Variants in PRPF40B observed in about 807,000 individuals in gnomAD.
PRPF40B encodes the protein pre-mRNA-processing factor 40 homolog B.
In PRPF40B, 56 loss-of-function variants were observed where a neutral mutation model predicts 124.5. The ratio of observed to expected loss-of-function variants is 0.45; its 90% confidence interval spans 0.36 to 0.56. The LOEUF is 0.56. Ranked by LOEUF, PRPF40B falls within the 20% of genes least tolerant of loss-of-function variation. The probability of loss-of-function intolerance (pLI) is 0.00; values close to 1 mark genes in which losing one functional copy is unlikely to be tolerated. For missense variants in PRPF40B, 1,053 were observed against 1,169.5 expected, an observed-to-expected ratio of 0.90 and a Z score of 1.45; for synonymous variants, 443 against 426.4, an observed-to-expected ratio of 1.04 and a Z score of -0.48.
At chr12:49,633,190 C>T (rs1268226332) in intron 7 of PRPF40B, 66 bp downstream of exon 7, 1 of 1,407,230 alleles carries the variant, frequency 7.1e-7, no homozygotes, top group Non-Finnish European at 9.8e-7. Flanking sequence ...CTTGGCCTTC[C>T]CTTAGTCTCT....
upstream of PRPF40B, among the ~76,000 whole-genome samples, chr12:49,623,214 T>A (rs1018323297): frequency 6.6e-6 from 1 of 152,014 alleles, no homozygotes; most frequent in Admixed American, 6.6e-5. Flanking sequence ...AAAGGCACCC[T>A]ACACACTGCG....
chr12:49,633,780 C>T (rs1166752939), intron 9 of PRPF40B, 106 bp from the exon 10 acceptor site: 1 of 1,604,454 alleles, frequency 6.2e-7, no homozygotes, highest in African/African-American at 1.3e-5. Context: ...CTTGTGGAGT[C>T]ATCCCCTCTG....
chr12:49,637,935 A>G, intron 18 of PRPF40B, 111 bp downstream of exon 18: 2 of 830,470 alleles, frequency 2.4e-6, no homozygotes, highest in Non-Finnish European at 4.0e-6. Context: ...TTGGTTCAGC[A>G]GATATCTACT....
At chr12:49,623,336 C>G (rs951574741), upstream of PRPF40B, 2 of 183,584 alleles carry the variant, frequency 1.1e-5, no homozygotes, top group African/African-American at 4.8e-5. Flanking sequence ...GCAGGCGTGC[C>G]CCGCCCCCCG....
At chr12:49,639,094 G>A (rs1565842698) in intron 18 of PRPF40B, 1 of 152,216 alleles carries the variant, frequency 6.6e-6, no homozygotes, top group Non-Finnish European at 1.5e-5. Context: ...TGCATGTAAA[G>A]TGCCTTGAAT....
At position 49,642,439 on chromosome 12, in the gene PRPF40B, G is replaced by A; in HGVS notation, c.2022+67G>A. ...GGGCAGCGGTGCTTCACCACTGAGG[G>A]CCCACCCCAGTCACGTCACAGCCCT... On this transcript the variant is annotated intron_variant, in intron 20 of 25. Transcript: ENST00000548825. This position sits in a 1 kb window ranked among gnomAD's most constrained non-coding sequence, Gnocchi z 5.8. The A allele has an allele frequency of 6.3e-7, 1 of 1,582,510 alleles. No individual in the cohort carries two copies. Among genetic ancestry groups the A allele is most frequent in the East Asian group, 2.2e-5 (1 of 44,578 alleles).
Position 49,643,852 on chromosome 12 carries a change from C to T in PRPF40B, c.2443-9C>T, listed in dbSNP as rs774806697. 6.2e-7 allele frequency: 1 copy of T among 1,614,142 alleles called. No homozygotes were observed. Among genetic ancestry groups the T allele is most frequent in the Middle Eastern group, 1.6e-4 (1 of 6,062 alleles). On this transcript the variant is annotated splice_polypyrimidine_tract_variant and intron_variant, in intron 24 of 25. Coordinates refer to ENST00000548825, the MANE Select transcript of PRPF40B (RefSeq NM_001031698.3). ...AGGAACTGAGGAGGTGGGCTCTGGA[C>T]TCTTACAGAATAGTCCTGAGAGTGA...
chr12:49,631,961 C>T lies in PRPF40B; in HGVS notation c.294+36C>T, dbSNP rs377275190. The T allele has an allele frequency of 6.3e-7, 1 of 1,591,504 alleles. No individual in the cohort carries two copies. The highest frequency in any genetic ancestry group is 8.6e-7 in the Non-Finnish European group (1 of 1,159,648). ...GGGGCCAGCAGGTAGCAGGCTCTGC[C>T]CTGCAGTCCCGTGAGTCTGACTTGG... On this transcript the variant is annotated intron_variant, in intron 4 of 25. Coordinates refer to ENST00000548825, the MANE Select transcript of PRPF40B (RefSeq NM_001031698.3). The surrounding 1 kb of genome is among the most constrained non-coding windows in gnomAD (Gnocchi z 4.3).
At position 49,631,154 on chromosome 12, in the gene PRPF40B, C is replaced by T. The variant is rs531902880; in HGVS notation, c.85-247C>T. The stretch of plus-strand genomic sequence containing the variant: ...TGGTGCTGTTAAACCTCCCTTATTC[C>T]TTTCCTTTCCCGTTACAATTAAGAA... On this transcript the variant is annotated intron_variant, in intron 2 of 25. Coordinates refer to ENST00000548825, the MANE Select transcript of PRPF40B (RefSeq NM_001031698.3). The surrounding 1 kb of genome is among the most constrained non-coding windows in gnomAD (Gnocchi z 4.3). Among the ~76,000 whole-genome samples, 92 of 152,228 alleles carry T rather than the reference C, an allele frequency of 6.0e-4. No homozygotes were observed. The highest frequency in any genetic ancestry group is 2.1e-3 in the African/African-American group (86 of 41,536).
chr12:49,642,121 A>AGG lies in PRPF40B; in HGVS notation c.1884+100_1884+101dup. 1 of 1,603,324 alleles carries AGG rather than the reference A, an allele frequency of 6.2e-7. No homozygotes were observed. The highest frequency in any genetic ancestry group is 8.5e-7 in the Non-Finnish European group (1 of 1,172,444). On this transcript the variant is annotated intron_variant, in intron 19 of 25. Transcript: ENST00000548825. The surrounding 1 kb of genome is among the most constrained non-coding windows in gnomAD (Gnocchi z 5.8). ...GTCCCACTGACTATATTCCCAATTC[A>AGG]GGGGATGGTGGTAGAAGCCCAGACC...
rs1174571696 is a variant in PRPF40B, at chr12:49,635,064, C to A, written c.1002-35C>A. 6.3e-7 allele frequency: 1 copy of A among 1,589,448 alleles called. No homozygotes were observed. The highest frequency in any genetic ancestry group is 1.7e-5 in the Admixed American group (1 of 57,424). Reference sequence around the variant, plus strand: ...CTGTGCAGAGTGGTTCGGGTGACTTCTCTATCCCCACCCCACTCCTACCCT... The same window carrying A: ...CTGTGCAGAGTGGTTCGGGTGACTTATCTATCCCCACCCCACTCCTACCCT... On this transcript the variant is annotated intron_variant, in intron 12 of 25. Transcript: ENST00000548825. The surrounding 1 kb of genome is among the most constrained non-coding windows in gnomAD (Gnocchi z 4.1).
intron 1 of PRPF40B, chr12:49,623,813 G>C (rs1448697149): frequency 8.4e-7 from 1 of 1,193,740 alleles, no homozygotes; most frequent in Non-Finnish European, 1.0e-6. Flanking sequence ...CTGGCCGGGG[G>C]CGAAAGGTGC....
Position 49,631,532 on chromosome 12 carries a change from A to G in PRPF40B, c.216A>G (p.Pro72=), listed in dbSNP as rs147838963. The change falls in exon 3 of 26, where the codon CCA becomes CCG. Residue 72 remains proline (P), a synonymous_variant. Coordinates refer to ENST00000548825, the MANE Select transcript of PRPF40B (RefSeq NM_001031698.3). The surrounding 1 kb of genome is among the most constrained non-coding windows in gnomAD (Gnocchi z 4.3). ...PPMLPPMGAP[P]PLTQIPGMVP... The stretch of plus-strand genomic sequence containing the variant: ...TGCTTCCACCAATGGGGGCGCCACC[A>G]CCACTCACACAGGTAATTGTCTCTC... The G allele has an allele frequency of 6.5e-6, 10 of 1,547,342 alleles. No homozygotes were observed. The highest frequency in any genetic ancestry group is 7.8e-6 in the Non-Finnish European group (9 of 1,154,730).
At chr12:49,634,749 C>T in intron 12 of PRPF40B, 147 bp downstream of exon 12, 1 of 894,582 alleles carries the variant, frequency 1.1e-6, no homozygotes, top group Non-Finnish European at 1.7e-6. Context: ...GGAAGAAAAG[C>T]TGGAGGGCCT....
In PRPF40B at chr12:49,635,530, T is replaced by C. The variant is rs2138513047; in HGVS notation, c.1275+57T>C. The C allele has an allele frequency of 6.6e-7, 1 of 1,520,594 alleles. No individual in the cohort carries two copies. Among genetic ancestry groups the C allele is most frequent in the South Asian group, 1.2e-5 (1 of 81,750 alleles). The allele number at this position is 1,520,594 out of a possible 1,614,324, so 94.2% of individuals were successfully genotyped here. On this transcript the variant is annotated intron_variant, in intron 14 of 25. Transcript: ENST00000548825. The surrounding 1 kb of genome is among the most constrained non-coding windows in gnomAD (Gnocchi z 4.1). ...ATCTCATCCTGGACTTTCCTTGTCT[T>C]TGCTTTGTTATGGACCCTCGCCATT...
In PRPF40B at chr12:49,643,045, G is replaced by A. The variant is rs1197495139; in HGVS notation, c.2205+29G>A. The A allele has an allele frequency of 1.9e-6, 3 of 1,609,626 alleles. No individual in the cohort carries two copies. In the African/African-American group the frequency reaches 4.0e-5, roughly 22 times the overall value. On this transcript the variant is annotated intron_variant, in intron 22 of 25. Coordinates refer to ENST00000548825, the MANE Select transcript of PRPF40B (RefSeq NM_001031698.3). ...AGTAAGCGTGTAGAAGGGACATGGGGTGAAGCTGGGTTGTTTTGGGGAAAT... is the reference window on the plus strand; with the variant it reads ...AGTAAGCGTGTAGAAGGGACATGGGATGAAGCTGGGTTGTTTTGGGGAAAT...
chr12:49,631,910 G>T lies in PRPF40B; in HGVS notation c.279G>T (p.Val93=), dbSNP rs762476011. ...TGCCAGGAATGCTGATGCCAGCGGT[G>T]CCTGTCACCGCAGCGGTAAGCACTA... The part of the protein sequence containing the change: ...PMMPGMLMPA[V]PVTAATAPGA... Residue 93 remains valine (V), a synonymous_variant, in exon 4 of 26, where the codon GTG becomes GTT. Transcript: ENST00000548825. This position sits in a 1 kb window ranked among gnomAD's most constrained non-coding sequence, Gnocchi z 4.3. The T allele has an allele frequency of 5.6e-6, 9 of 1,614,006 alleles. No homozygotes were observed. In the African/African-American group the frequency reaches 1.1e-4, roughly 19 times the overall value.
intron 1 of PRPF40B, chr12:49,624,309 G>A (rs1940498175): frequency 2.2e-6 from 1 of 451,596 alleles, no homozygotes; most frequent in Non-Finnish European, 2.9e-6. Context: ...GAATGGGTTT[G>A]GTAGGGAAGC....
chr12:49,634,774 G>A, intron 12 of PRPF40B, 172 bp downstream of exon 12: 1 of 721,184 alleles, frequency 1.4e-6, no homozygotes, highest in South Asian at 1.9e-5. Context: ...GAGAAGGAAA[G>A]GAAAGGTATC....
Sources: gnomAD v4.1 joint callset for allele counts (sites outside exome capture counted in the v4.1 genomes callset) on GRCh38, gnomAD v4.1.1 for gene constraint, Gnocchi (gnomAD v3.1) non-coding constraint, MANE v1.5 for transcripts, NCBI Gene and HGNC (gene_info 2026-07-23, HGNC 2026-07-21) for gene names.